FBXL7: variants seen among roughly 807,000 people sequenced by gnomAD.
The protein encoded by FBXL7 is F-box and leucine rich repeat protein 7.
In FBXL7, 12 loss-of-function variants were observed where a neutral mutation model predicts 38.3. That is an observed-to-expected ratio of 0.31 (90% confidence interval 0.20 to 0.51). FBXL7 has a LOEUF of 0.51. FBXL7 is among the 20% of genes least tolerant of loss of function. The pLI, the probability that FBXL7 is intolerant of heterozygous loss-of-function variation, is 0.98. For synonymous variants in FBXL7, 297 were observed against 300.9 expected (o/e 0.99, Z 0.13); for missense variants, 567 against 676.4 (o/e 0.84, Z 1.79).
At chr5:15,725,671 A>G (rs1744326221) in intron 2 of FBXL7, among the ~76,000 whole-genome samples, 1 of 152,028 alleles carries the variant, frequency 6.6e-6, no homozygotes. Flanking sequence ...AGGGAGTCTC[A>G]GTCACCAAGG....
intron 2 of FBXL7, among the ~76,000 whole-genome samples, chr5:15,778,732 G>C (rs1736920337): frequency 6.6e-6 from 1 of 152,004 alleles, no homozygotes; most frequent in Non-Finnish European, 1.5e-5. Context: ...TAGAACACAG[G>C]TAGTTGCCGA....
At chr5:15,733,199 TTA>T (rs1735658368) in intron 2 of FBXL7, among the ~76,000 whole-genome samples, 2 of 152,104 alleles carry the variant, frequency 1.3e-5, no homozygotes, top group Admixed American at 6.5e-5. Flanking sequence ...GTTCAATCAA[TTA>T]TCTGCCTCAC....
chr5:15,601,976 T>C (rs1013360950), intron 1 of FBXL7, among the ~76,000 whole-genome samples: 4 of 152,012 alleles, frequency 2.6e-5, no homozygotes, highest in African/African-American at 9.7e-5. Flanking sequence ...CTGATGTCCT[T>C]ATGAAAAGAG....
At chr5:15,627,493 C>G (rs913684280) in intron 2 of FBXL7, among the ~76,000 whole-genome samples, 6 of 152,160 alleles carry the variant, frequency 3.9e-5, no homozygotes, top group Non-Finnish European at 7.3e-5. Flanking sequence ...CCTGGCAACA[C>G]TGAATAGGCT....
intron 3 of FBXL7, among the ~76,000 whole-genome samples, chr5:15,933,123 G>A (rs553663237): frequency 1.5e-4 from 23 of 152,108 alleles, no homozygotes; most frequent in Non-Finnish European, 2.4e-4. Flanking sequence ...AATAATACCT[G>A]CTGAGCCATG....
chr5:15,555,828 A>G (rs2126429034), intron 1 of FBXL7, among the ~76,000 whole-genome samples: 1 of 132,234 alleles, frequency 7.6e-6, no homozygotes, highest in African/African-American at 3.0e-5. Flanking sequence ...GATAGGTGAT[A>G]GATGAAAGAT....
intron 1 of FBXL7, among the ~76,000 whole-genome samples, chr5:15,571,613 A>G (rs184558954): frequency 1.3e-4 from 20 of 152,202 alleles, no homozygotes; most frequent in Non-Finnish European, 2.4e-4. Context: ...GTTTAAATTC[A>G]TATGAGTTGG....
At chr5:15,916,119 A>G (rs567925176) in intron 2 of FBXL7, among the ~76,000 whole-genome samples, 33 of 152,308 alleles carry the variant, frequency 2.2e-4, no homozygotes, top group African/African-American at 7.5e-4. Context: ...TGATACATCA[A>G]ATACACTTGT....
intron 2 of FBXL7, among the ~76,000 whole-genome samples, chr5:15,749,444 G>A (rs1293583689): frequency 6.6e-6 from 1 of 151,860 alleles, no homozygotes; most frequent in Non-Finnish European, 1.5e-5. Flanking sequence ...GGCTAACACG[G>A]TGAAACCCCA....
intron 2 of FBXL7, among the ~76,000 whole-genome samples, chr5:15,679,881 G>C (rs576548724): frequency 2.4e-4 from 36 of 152,210 alleles, no homozygotes; most frequent in African/African-American, 7.5e-4. Flanking sequence ...ACTAAGACAT[G>C]AGTAAAAAAT....
At chr5:15,915,004 A>C (rs1741545159) in intron 2 of FBXL7, among the ~76,000 whole-genome samples, 1 of 152,254 alleles carries the variant, frequency 6.6e-6, no homozygotes, top group South Asian at 2.1e-4. Context: ...AAGGCTTGGC[A>C]GAAAAGCTGA....
intron 2 of FBXL7, among the ~76,000 whole-genome samples, chr5:15,796,211 C>T (rs1737412330): frequency 6.6e-6 from 1 of 152,182 alleles, no homozygotes; most frequent in Admixed American, 6.5e-5. Context: ...AGCACAATTT[C>T]CAATAAATAG....
intron 2 of FBXL7, among the ~76,000 whole-genome samples, chr5:15,681,409 G>A (rs1157213509): frequency 6.6e-6 from 1 of 152,134 alleles, no homozygotes; most frequent in African/African-American, 2.4e-5. Context: ...GAAACACTCT[G>A]TTGAAAAATG....
At chr5:15,798,575 A>G (rs1472310071) in intron 2 of FBXL7, among the ~76,000 whole-genome samples, 1 of 152,224 alleles carries the variant, frequency 6.6e-6, no homozygotes, top group Non-Finnish European at 1.5e-5. Context: ...AAGAGAGGTG[A>G]ACTTGGAAGG....
chr5:15,829,975 AC>A (rs1738409308), intron 2 of FBXL7, among the ~76,000 whole-genome samples: 1 of 152,202 alleles, frequency 6.6e-6, no homozygotes. Context: ...CTTGAGACGT[AC>A]CCAGAGAATT....
chr5:15,818,545 G>A (rs1274352215), intron 2 of FBXL7, among the ~76,000 whole-genome samples: 2 of 152,056 alleles, frequency 1.3e-5, no homozygotes, highest in East Asian at 3.9e-4. Flanking sequence ...AAATAATCAA[G>A]TAAGTATTTT....
chr5:15,881,596 C>T (rs935976425), intron 2 of FBXL7, among the ~76,000 whole-genome samples: 1 of 152,160 alleles, frequency 6.6e-6, no homozygotes, highest in African/African-American at 2.4e-5. Flanking sequence ...TTTAAGGAAT[C>T]TCCACACTTT....
intron 2 of FBXL7, among the ~76,000 whole-genome samples, chr5:15,858,072 G>T (rs1739323137): frequency 6.6e-6 from 1 of 151,934 alleles, no homozygotes; most frequent in African/African-American, 2.4e-5. Context: ...TCATGGCTTG[G>T]TATTCCAGTC....
chr5:15,556,980 C>T (rs1213640166), intron 1 of FBXL7, among the ~76,000 whole-genome samples: 1 of 152,200 alleles, frequency 6.6e-6, no homozygotes, highest in Non-Finnish European at 1.5e-5. Flanking sequence ...CTCTGTCTCC[C>T]AGGCTGGAGT....
Sources: gnomAD v4.1 joint callset for allele counts (sites outside exome capture counted in the v4.1 genomes callset) on GRCh38, gnomAD v4.1.1 for gene constraint, MANE v1.5 for transcripts, NCBI Gene and HGNC (gene_info 2026-07-23, HGNC 2026-07-21) for gene names.